CDK12: variants seen among roughly 807,000 people sequenced by gnomAD.
CDK12 encodes the protein cyclin dependent kinase 12, also known as cyclin-dependent kinase 12.
In CDK12, 17 loss-of-function variants were observed where a neutral mutation model predicts 133.8. The observed-to-expected ratio is 0.13, with a 90% CI of 0.09 to 0.19. CDK12 has a LOEUF of 0.19. CDK12 is among the 10% of genes least tolerant of loss of function. The pLI, the probability that CDK12 is intolerant of heterozygous loss-of-function variation, is 1.00. For synonymous variants in CDK12, 694 were observed against 683.6 expected, an observed-to-expected ratio of 1.02 and a Z score of -0.24; for missense variants, 1,508 against 1,818.7, an observed-to-expected ratio of 0.83 and a Z score of 3.11.
chr17:39,482,620 T>TTTTTTTTTTTTTTTG (rs2050807128), intron 2 of CDK12, among the ~76,000 whole-genome samples: 1 of 145,958 alleles, frequency 6.9e-6, no homozygotes, highest in Non-Finnish European at 1.5e-5. Context: ...TTTTTTTTTT[T>TTTTTTTTTTTTTTTG]GAGGCAGAGT....
At chr17:39,469,680 C>T (rs2145150884) in intron 1 of CDK12, among the ~76,000 whole-genome samples, 1 of 150,580 alleles carries the variant, frequency 6.6e-6, no homozygotes, top group African/African-American at 2.4e-5. Flanking sequence ...TGTTGTTGCC[C>T]AGGCTGGAGT....
chr17:39,472,097 C>A (rs1597935114), intron 2 of CDK12, among the ~76,000 whole-genome samples: 1 of 152,186 alleles, frequency 6.6e-6, no homozygotes, highest in East Asian at 1.9e-4. Context: ...GATTCTCCCA[C>A]CTCACCCTCC....
intron 5 of CDK12, among the ~76,000 whole-genome samples, chr17:39,499,269 G>A (rs1287594193): frequency 1.3e-4 from 18 of 141,542 alleles, no homozygotes; most frequent in Admixed American, 3.0e-4. Flanking sequence ...GTGCAGTGCC[G>A]CTGTCTTGGC....
At chr17:39,481,177 C>CGGG (rs1223060088) in intron 2 of CDK12, among the ~76,000 whole-genome samples, 1 of 149,450 alleles carries the variant, frequency 6.7e-6, no homozygotes, top group Non-Finnish European at 1.5e-5. Context: ...CCCTTGAACT[C>CGGG]GGGGGGCGGA....
At chr17:39,546,451 T>G (rs1273215767), upstream of CDK12, among the ~76,000 whole-genome samples, 2 of 152,214 alleles carry the variant, frequency 1.3e-5, no homozygotes, top group African/African-American at 4.8e-5. Flanking sequence ...CCCAAAGTGC[T>G]GGGATTACAG....
intron 3 of CDK12, among the ~76,000 whole-genome samples, chr17:39,561,898 A>G (rs2056387132): frequency 6.6e-6 from 1 of 152,140 alleles, no homozygotes; most frequent in African/African-American, 2.4e-5. Flanking sequence ...TGTGGGATAT[A>G]AACACTGAGG....
downstream of CDK12, chr17:39,567,468 A>G (rs1264058408): frequency 1.3e-5 from 2 of 152,224 alleles, no homozygotes; most frequent in Non-Finnish European, 1.5e-5. Flanking sequence ...GTGTTCACCA[A>G]TGTGTTCCCA....
intron 9 of CDK12, among the ~76,000 whole-genome samples, chr17:39,516,059 G>T (rs762380093): frequency 1.3e-5 from 2 of 151,900 alleles, no homozygotes; most frequent in Non-Finnish European, 2.9e-5. Context: ...ACCATTTTGG[G>T]GATGGCTCTT....
In CDK12 at chr17:39,462,320, C is replaced by T. The variant is rs1281020836; in HGVS notation, c.249C>T (p.Phe83=). The change falls in exon 1 of 14, where the codon TTC becomes TTT. Residue 83 remains phenylalanine (F), a synonymous_variant. Transcript: ENST00000447079. ...ATATCAGCTCTGATTCCGACACCTTCTCCGATGACATGGCCTTCAAACTAG... is the reference window on the plus strand; with the variant it reads ...ATATCAGCTCTGATTCCGACACCTTTTCCGATGACATGGCCTTCAAACTAG... ...YDDISSDSDT[F]SDDMAFKLDR... The T allele has an allele frequency of 7.4e-6, 12 of 1,614,210 alleles. No homozygotes were observed. Among genetic ancestry groups the T allele is most frequent in the Admixed American group, 1.7e-5 (1 of 60,016 alleles).
intron 6 of CDK12, among the ~76,000 whole-genome samples, chr17:39,505,322 C>T (rs922129633): frequency 4.0e-5 from 6 of 150,944 alleles, no homozygotes; most frequent in Non-Finnish European, 7.4e-5. Context: ...GTCAAGAGAT[C>T]GAGACCATCC....
At chr17:39,508,924 G>C (rs1567755081) in intron 6 of CDK12, among the ~76,000 whole-genome samples, 1 of 147,728 alleles carries the variant, frequency 6.8e-6, no homozygotes, top group East Asian at 2.0e-4. Context: ...GAACCTGGGA[G>C]ATCATCAAGG....
chr17:39,532,132 CTCTCTCTCT>C lies in CDK12; in HGVS notation c.*817_*825del. Reference sequence around the variant, plus strand: ...TCTCTCTCTCTCTCTCTCTCTCTCTCTCTCTCTCTCTGTCTCGCTTGCTCGCTCTCGCTG... The same window carrying C: ...TCTCTCTCTCTCTCTCTCTCTCTCTCCTGTCTCGCTTGCTCGCTCTCGCTG... On this transcript the variant is annotated 3_prime_UTR_variant, in exon 14 of 14. Coordinates refer to ENST00000447079, the MANE Select transcript of CDK12 (RefSeq NM_016507.4). 1 of 226,602 alleles carries C rather than the reference CTCTCTCTCT, an allele frequency of 4.4e-6. No individual in the cohort carries two copies. Among genetic ancestry groups the C allele is most frequent in the Non-Finnish European group, 8.7e-6 (1 of 114,490 alleles). The allele number at this position is 226,602 out of a possible 1,614,324, so 14.0% of individuals were successfully genotyped here. A position where few individuals can be genotyped will look rare whatever the true frequency, so the allele number is the denominator to read the frequency against.
At chr17:39,563,399 C>T (rs1323073438) in intron 3 of CDK12, among the ~76,000 whole-genome samples, 1 of 150,198 alleles carries the variant, frequency 6.7e-6, no homozygotes, top group Non-Finnish European at 1.5e-5. Context: ...TATTCTCTCT[C>T]TCTCTCTCTT....
In CDK12 at chr17:39,526,189, A is replaced by G; in HGVS notation, c.3633A>G (p.Ala1211=). The G allele has an allele frequency of 6.2e-7, 1 of 1,614,158 alleles. No individual in the cohort carries two copies. ...STPADMQNIL[A]VLLSQLMKTQ... is the part of the protein sequence containing the mutation. ...CAGCTGACATGCAGAATATATTGGC[A>G]GTTCTCTTGAGTCAGCTGATGAAAA... The change falls in exon 13 of 14, where the codon GCA becomes GCG. Residue 1211 remains alanine (A), a synonymous_variant. Coordinates refer to ENST00000447079, the MANE Select transcript of CDK12 (RefSeq NM_016507.4).
intron 2 of CDK12, among the ~76,000 whole-genome samples, chr17:39,481,689 TC>T: frequency 9.6e-5 from 1 of 10,398 alleles, no homozygotes; most frequent in African/African-American, 1.7e-4. Context: ...TCTCTCTCTC[TC>T]TCTCTCTCTC....
intron 8 of CDK12, 85 bp from the exon 9 acceptor site, chr17:39,515,646 A>T (rs1431479890): frequency 1.7e-5 from 13 of 775,384 alleles, no homozygotes; most frequent in Non-Finnish European, 1.5e-5. Context: ...GCAATCCGAC[A>T]TATCAATAAT....
At chr17:39,527,773 CCAGCCTCAGGTGATCTGCCCGCCT>C (rs1053843303) in intron 13 of CDK12, among the ~76,000 whole-genome samples, 1 of 152,182 alleles carries the variant, frequency 6.6e-6, no homozygotes, top group Non-Finnish European at 1.5e-5. Flanking sequence ...TCTCGAACTC[CCAGCCTCAGGTGATCTGCCCGCCT>C]CAGCCTCCCA....
intron 8 of CDK12, among the ~76,000 whole-genome samples, chr17:39,515,434 G>A (rs2053740562): frequency 6.6e-6 from 1 of 152,072 alleles, no homozygotes; most frequent in African/African-American, 2.4e-5. Flanking sequence ...TTGTAAAATT[G>A]TCTTTAGTTA....
intron 3 of CDK12, among the ~76,000 whole-genome samples, chr17:39,561,725 CTT>C (rs1247107560): frequency 1.3e-5 from 2 of 152,254 alleles, no homozygotes; most frequent in East Asian, 3.9e-4. Context: ...CCATTGCTCT[CTT>C]GGCCTATTCC....
Sources: allele counts gnomAD v4.1 joint callset (sites outside exome capture counted in the v4.1 genomes callset), GRCh38; gene constraint gnomAD v4.1.1; transcripts MANE v1.5; gene names NCBI Gene and HGNC (gene_info 2026-07-23, HGNC 2026-07-21).